The following AGBL4 variants were observed in gnomAD, a reference collection of about 807,000 sequenced individuals.
The protein encoded by AGBL4 is cytosolic carboxypeptidase 6.
In AGBL4, 58 loss-of-function variants were observed where a neutral mutation model predicts 66.4. The ratio of observed to expected loss-of-function variants is 0.87; its 90% CI spans 0.71 to 1.09. The LOEUF (loss-of-function observed/expected upper bound fraction) is 1.09, where lower values mean the gene tolerates loss of function less well. Ranked by LOEUF, AGBL4 falls within the 50% of genes least tolerant of loss-of-function variation. The pLI, the probability that AGBL4 is intolerant of heterozygous loss-of-function variation, is 0.00. For synonymous variants in AGBL4, 234 were observed against 222.9 expected, an observed-to-expected ratio of 1.05 and a Z score of -0.44; for missense variants, 579 against 631.0, an observed-to-expected ratio of 0.92 and a Z score of 0.88.
chr1:49,637,542 A>G (rs1475755120), intron 3 of AGBL4, among the ~76,000 whole-genome samples: 1 of 152,100 alleles, frequency 6.6e-6, no homozygotes, highest in Non-Finnish European at 1.5e-5. Flanking sequence ...ACCTCAGGCG[A>G]TCTGCATGCC....
intron 3 of AGBL4, among the ~76,000 whole-genome samples, chr1:49,464,250 T>G (rs541602654): frequency 6.6e-6 from 1 of 151,864 alleles, no homozygotes; most frequent in East Asian, 1.9e-4. Context: ...GCAATATATA[T>G]ACTCTCACTT....
At chr1:48,771,196 C>T (rs548264270) in intron 6 of AGBL4, among the ~76,000 whole-genome samples, 1 of 152,154 alleles carries the variant, frequency 6.6e-6, no homozygotes, top group Admixed American at 6.5e-5. Context: ...GAAAATGTCT[C>T]CAGATTACGA....
At chr1:48,883,122 G>T (rs1649952312) in intron 5 of AGBL4, among the ~76,000 whole-genome samples, 1 of 152,104 alleles carries the variant, frequency 6.6e-6, no homozygotes, top group South Asian at 2.1e-4. Context: ...TTTTCTTTGG[G>T]TATACACCCA....
intron 3 of AGBL4, among the ~76,000 whole-genome samples, chr1:49,268,410 ACAC>A (rs1188332926): frequency 5.4e-3 from 5 of 926 alleles, no homozygotes; most frequent in African/African-American, 8.7e-3. Flanking sequence ...TTTTTTTTAA[ACAC>A]ACACACACAC....
chr1:49,378,520 G>T (rs1644520261), intron 3 of AGBL4, among the ~76,000 whole-genome samples: 1 of 151,970 alleles, frequency 6.6e-6, no homozygotes, highest in South Asian at 2.1e-4. Flanking sequence ...CTGGTGAGAG[G>T]GAGCAGTGGG....
Position 48,882,025 on chromosome 1 carries a change from G to C in AGBL4, c.595-14795C>G, listed in dbSNP as rs3923543. On this transcript the variant is annotated intron_variant, in intron 5 of 13. Coordinates refer to ENST00000371839, the MANE Select transcript of AGBL4 (RefSeq NM_032785.4). ...GTGCTTTGGGAGGCTGAGGTGGGAG[G>C]ATTGCTTGAGGTCAGGAGTTTGAGA... Among the ~76,000 whole-genome samples the C allele has an allele frequency of 1.2e-3, 189 of 152,322 alleles. 7 individuals are homozygous for C. In the East Asian group the frequency reaches 0.031, roughly 25 times the overall value.
intron 3 of AGBL4, among the ~76,000 whole-genome samples, chr1:49,496,585 AT>A (rs960640037): frequency 5.0e-5 from 7 of 140,202 alleles, no homozygotes; most frequent in Admixed American, 1.4e-4. Context: ...TATGAGTTGA[AT>A]TTTTTTTAGA....
intron 5 of AGBL4, among the ~76,000 whole-genome samples, chr1:48,929,676 T>A (rs1190866059): frequency 6.6e-6 from 1 of 152,218 alleles, no homozygotes; most frequent in Non-Finnish European, 1.5e-5. Context: ...ATAAGTTGTA[T>A]AGCACTGTTG....
At chr1:49,439,595 G>T (rs971516459) in intron 3 of AGBL4, among the ~76,000 whole-genome samples, 5 of 152,184 alleles carry the variant, frequency 3.3e-5, no homozygotes, top group African/African-American at 1.2e-4. Flanking sequence ...TGCCAAAGGA[G>T]ATTAACACCT....
intron 3 of AGBL4, among the ~76,000 whole-genome samples, chr1:49,435,374 G>A (rs919409882): frequency 5.3e-5 from 8 of 152,170 alleles, no homozygotes; most frequent in African/African-American, 1.9e-4. Context: ...AGCTGTAAGA[G>A]CAGAGATTTA....
chr1:49,118,391 A>T (rs140166422), intron 4 of AGBL4, among the ~76,000 whole-genome samples: 1,652 of 152,294 alleles, frequency 0.011, 26 homozygotes, highest in African/African-American at 0.038. Context: ...GATACATTCC[A>T]TCAATATGTA....
At position 50,001,203 on chromosome 1, in the gene AGBL4, A is replaced by G. The variant is rs551618208; in HGVS notation, c.34+22560T>C. On this transcript the variant is annotated intron_variant, in intron 1 of 13. Transcript: ENST00000371839. ...CTAAGTGTAAAATATTTATATATAT[A>G]AAATATTTCAATATATCTCTCTAAA... is the stretch of plus-strand genomic sequence containing the variant. Among the ~76,000 whole-genome samples the G allele has an allele frequency of 4.0e-5, 6 of 150,982 alleles. No individual in the cohort carries two copies. In the South Asian group the frequency reaches 1.2e-3, roughly 31 times the overall value.
intron 2 of AGBL4, among the ~76,000 whole-genome samples, chr1:49,776,632 ATAAC>A (rs1444298229): frequency 2.0e-5 from 3 of 152,036 alleles, no homozygotes; most frequent in Admixed American, 6.6e-5. Context: ...TGCTCTTCAC[ATAAC>A]TAACTACCAC....
At chr1:49,404,331 C>T (rs1645150589) in intron 3 of AGBL4, among the ~76,000 whole-genome samples, 2 of 152,172 alleles carry the variant, frequency 1.3e-5, no homozygotes, top group South Asian at 4.1e-4. Flanking sequence ...AGGAAGAAGG[C>T]AGCCATCTGT....
intron 11 of AGBL4, among the ~76,000 whole-genome samples, chr1:48,557,893 G>T (rs1644344521): frequency 6.7e-6 from 1 of 150,374 alleles, no homozygotes; most frequent in African/African-American, 2.4e-5. Context: ...ACTGTTCTTG[G>T]CCTGTCTCTC....
At chr1:49,548,077 G>T (rs1400003119) in intron 3 of AGBL4, among the ~76,000 whole-genome samples, 1 of 152,080 alleles carries the variant, frequency 6.6e-6, no homozygotes, top group East Asian at 1.9e-4. Context: ...TGACCTAGGG[G>T]TTGAGTTCTT....
At chr1:49,469,230 G>A (rs1358483841) in intron 3 of AGBL4, among the ~76,000 whole-genome samples, 1 of 151,716 alleles carries the variant, frequency 6.6e-6, no homozygotes, top group Non-Finnish European at 1.5e-5. Flanking sequence ...CCTATGAAAT[G>A]TTTTGTCATG....
At chr1:49,266,147 T>C (rs1643915061) in intron 3 of AGBL4, 2 of 152,244 alleles carry the variant, frequency 1.3e-5, no homozygotes, top group South Asian at 4.2e-4. Flanking sequence ...ACACAGATAC[T>C]GCAGTCTGAC....
chr1:48,522,825 C>G, the AGBL4 span, among the ~76,000 whole-genome samples: 1 of 151,696 alleles, frequency 6.6e-6, no homozygotes, highest in African/African-American at 2.4e-5. Context: ...ACTCAGGAGG[C>G]TGAGGCAGAA....
Sources: allele counts gnomAD v4.1 joint callset (sites outside exome capture counted in the v4.1 genomes callset), GRCh38; gene constraint gnomAD v4.1.1; transcripts MANE v1.5; gene names NCBI Gene and HGNC (gene_info 2026-07-23, HGNC 2026-07-21).